The following ATP8A2 variants were observed in gnomAD, a reference collection of about 807,000 sequenced individuals.
ATP8A2 encodes the protein ATPase phospholipid transporting 8A2.
A neutral mutation model predicts 165.6 loss-of-function variants in ATP8A2; 100 were observed. That is an observed-to-expected ratio of 0.60 (90% confidence interval 0.51 to 0.71). ATP8A2 has a LOEUF of 0.71. ATP8A2 is among the 30% of genes least tolerant of loss of function. The pLI is 0.00. For missense variants in ATP8A2, 1,227 were observed against 1,479.5 expected (o/e 0.83, Z 2.80); for synonymous variants, 543 against 548.8 (o/e 0.99, Z 0.15).
intron 32 of ATP8A2, among the ~76,000 whole-genome samples, chr13:25,862,021 C>G (rs955211231): frequency 6.6e-6 from 1 of 152,120 alleles, no homozygotes; most frequent in Non-Finnish European, 1.5e-5. Context: ...TGAGAGGGGC[C>G]CGCTGTTACT....
chr13:25,805,787 A>G (rs999394096), intron 27 of ATP8A2, among the ~76,000 whole-genome samples: 5 of 152,238 alleles, frequency 3.3e-5, no homozygotes, highest in African/African-American at 7.2e-5. Flanking sequence ...GATGAAGGCT[A>G]TAGATCAATG....
At chr13:25,957,015 T>C (rs1158166817) in intron 33 of ATP8A2, among the ~76,000 whole-genome samples, 4 of 152,338 alleles carry the variant, frequency 2.6e-5, no homozygotes, top group East Asian at 1.9e-4. Flanking sequence ...AAGCAAGTAA[T>C]GTGGAAAGGA....
chr13:25,435,182 G>C (rs188282614), intron 1 of ATP8A2, among the ~76,000 whole-genome samples: 3 of 150,514 alleles, frequency 2.0e-5, no homozygotes, highest in African/African-American at 7.4e-5. Context: ...GTGCAGTGGC[G>C]CGATCTCGGC....
At chr13:25,452,327 A>G (rs1398911446) in intron 1 of ATP8A2, among the ~76,000 whole-genome samples, 1 of 152,228 alleles carries the variant, frequency 6.6e-6, no homozygotes, top group Non-Finnish European at 1.5e-5. Context: ...AGCGGAGGTC[A>G]TGTCCTGTTC....
intron 2 of ATP8A2, among the ~76,000 whole-genome samples, chr13:25,524,895 C>CTTCT (rs1229236594): frequency 4.8e-5 from 2 of 41,672 alleles, no homozygotes; most frequent in African/African-American, 1.5e-4. Flanking sequence ...AACTTCCTTC[C>CTTCT]TTCCTTCCTT....
intron 25 of ATP8A2, among the ~76,000 whole-genome samples, chr13:25,762,223 C>T (rs564660521): frequency 5.3e-4 from 63 of 118,452 alleles, no homozygotes; most frequent in Non-Finnish European, 7.1e-4. Context: ...GAGCCAAGAT[C>T]ATTCCATTGC....
intron 24 of ATP8A2, among the ~76,000 whole-genome samples, chr13:25,663,790 G>GGA (rs2042097594): frequency 6.6e-6 from 1 of 152,118 alleles, no homozygotes; most frequent in African/African-American, 2.4e-5. Flanking sequence ...AGACATTTGT[G>GGA]GAGGTCTCCT....
chr13:25,540,227 A>G, intron 7 of ATP8A2, 92 bp from the exon 8 acceptor site: 2 of 917,714 alleles, frequency 2.2e-6, no homozygotes, highest in South Asian at 2.7e-5. Flanking sequence ...AGGGCCAATC[A>G]GCAGACACAG....
At chr13:25,908,367 C>T (rs1954008391) in intron 33 of ATP8A2, among the ~76,000 whole-genome samples, 1 of 152,160 alleles carries the variant, frequency 6.6e-6, no homozygotes, top group African/African-American at 2.4e-5. Flanking sequence ...GCTGGGATTA[C>T]AGAGGAAATG....
intron 24 of ATP8A2, among the ~76,000 whole-genome samples, chr13:25,649,513 G>A (rs4570694): frequency 0.029 from 4,484 of 152,284 alleles, 124 homozygotes; most frequent in East Asian, 0.13. Flanking sequence ...CTTCCTGCCT[G>A]TGTGGGGCCT....
chr13:25,731,149 A>AAGAAAG (rs10667913), intron 25 of ATP8A2, among the ~76,000 whole-genome samples: 1 of 148,242 alleles, frequency 6.7e-6, no homozygotes, highest in East Asian at 2.0e-4. Context: ...AGAGAAATAA[A>AAGAAAG]AGAAAGAAAG....
At chr13:25,906,726 T>C (rs996282538) in intron 33 of ATP8A2, among the ~76,000 whole-genome samples, 2 of 152,208 alleles carry the variant, frequency 1.3e-5, no homozygotes, top group Non-Finnish European at 2.9e-5. Context: ...GAAATCCTGG[T>C]TTCCAATGTT....
At chr13:25,773,052 G>A (rs1275801459) in intron 26 of ATP8A2, among the ~76,000 whole-genome samples, 1 of 152,162 alleles carries the variant, frequency 6.6e-6, no homozygotes, top group African/African-American at 2.4e-5. Flanking sequence ...GAGCCACTGT[G>A]CCCAGCTGAG....
intron 35 of ATP8A2, among the ~76,000 whole-genome samples, chr13:26,006,232 TCTTTGGTTAAAATTATTCC>T (rs1428048063): frequency 4.5e-4 from 69 of 152,192 alleles, no homozygotes; most frequent in African/African-American, 1.6e-3. Context: ...GTGTGGCACC[TCTTTGGTTAAAATTATTCC>T]CGAGTATTTT....
At chr13:25,562,502 G>A (rs1183644100) in intron 15 of ATP8A2, among the ~76,000 whole-genome samples, 1 of 152,174 alleles carries the variant, frequency 6.6e-6, no homozygotes, top group Non-Finnish European at 1.5e-5. Flanking sequence ...TGGTCAGCCA[G>A]GACCCACTAT....
At chr13:25,507,352 G>A (rs745735050) in intron 2 of ATP8A2, among the ~76,000 whole-genome samples, 2 of 151,546 alleles carry the variant, frequency 1.3e-5, no homozygotes, top group Non-Finnish European at 2.9e-5. Flanking sequence ...TGCAGTCTCC[G>A]CCTCCCAGGT....
intron 2 of ATP8A2, among the ~76,000 whole-genome samples, chr13:25,485,687 C>T (rs118022066): frequency 5.2e-4 from 79 of 152,310 alleles, no homozygotes; most frequent in Non-Finnish European, 1.0e-3. Flanking sequence ...CCCATAACAA[C>T]TGCAAACATG....
At chr13:25,866,821 TG>T (rs1179561141) in intron 33 of ATP8A2, among the ~76,000 whole-genome samples, 1 of 152,200 alleles carries the variant, frequency 6.6e-6, no homozygotes, top group Non-Finnish European at 1.5e-5. Context: ...TAGCTCCTGC[TG>T]GGTGTTACAG....
intron 24 of ATP8A2, among the ~76,000 whole-genome samples, chr13:25,653,792 A>G (rs954264254): frequency 2.6e-5 from 4 of 152,152 alleles, no homozygotes; most frequent in African/African-American, 7.2e-5. Flanking sequence ...AGAGAAGCCA[A>G]ATGAAATCTG....
Sources: gnomAD v4.1 joint callset for allele counts (sites outside exome capture counted in the v4.1 genomes callset) on GRCh38, gnomAD v4.1.1 for gene constraint, MANE v1.5 for transcripts, NCBI Gene and HGNC (gene_info 2026-07-23, HGNC 2026-07-21) for gene names.